Variants in MFSD2A observed in about 807,000 individuals in gnomAD.
MFSD2A encodes MFSD2 lysolipid transporter A, lysophospholipid.
Under a neutral mutation model 64.7 loss-of-function variants are expected in MFSD2A, and 27 were observed. The ratio of observed to expected loss-of-function variants is 0.42; its 90% CI spans 0.31 to 0.58. The LOEUF is 0.58. Ranked by LOEUF, MFSD2A falls within the 20% of genes least tolerant of loss-of-function variation. The pLI is 0.18. For missense variants in MFSD2A, 474 were observed against 679.5 expected, an observed-to-expected ratio of 0.70 and a Z score of 3.36; for synonymous variants, 258 against 273.4, an observed-to-expected ratio of 0.94 and a Z score of 0.55.
In MFSD2A at chr1:39,964,027, C is replaced by T. The variant is rs150495613; in HGVS notation, c.354-1184C>T. 2.6e-5 allele frequency among the ~76,000 whole-genome samples: 4 copies of T among 152,338 alleles called. No individual in the cohort carries two copies. Among genetic ancestry groups the T allele is most frequent in the East Asian group, 3.9e-4 (2 of 5,192 alleles). On this transcript the variant is annotated intron_variant, in intron 3 of 13. Coordinates refer to ENST00000372811, the MANE Select transcript of MFSD2A (RefSeq NM_032793.5). The surrounding 1 kb of genome is among the most constrained non-coding windows in gnomAD (Gnocchi z 4.1). Reference sequence around the variant, plus strand: ...CTGGGATTACAGGCATGAGCCACTGCGCCTAGCCTAAGTACATTCACTTTG... The same window carrying T: ...CTGGGATTACAGGCATGAGCCACTGTGCCTAGCCTAAGTACATTCACTTTG...
chr1:39,955,600 C>T lies in MFSD2A; in HGVS notation c.93+215C>T, dbSNP rs1479077357. ...CCCCCCTTTGCTCACCCGCACTCCA[C>T]GCTCTGCGGAGAGGCTCTGCCGGCA... is the stretch of plus-strand genomic sequence containing the variant. On this transcript the variant is annotated intron_variant, in intron 1 of 13. Transcript: ENST00000372811. This position sits in a 1 kb window ranked among gnomAD's most constrained non-coding sequence, Gnocchi z 5.9. The T allele has an allele frequency of 1.4e-6, 1 of 693,072 alleles. No individual in the cohort carries two copies. Among genetic ancestry groups the T allele is most frequent in the Non-Finnish European group, 2.6e-6 (1 of 381,116 alleles). 42.9% of individuals were successfully genotyped at this position (693,072 alleles called of 1,614,324 possible).
At chr1:39,966,718 A>G in intron 7 of MFSD2A, 27 bp downstream of exon 7, 1 of 1,613,308 alleles carries the variant, frequency 6.2e-7, no homozygotes, top group Non-Finnish European at 8.5e-7. Context: ...GAAGGGGTGC[A>G]GGCCTCAGCA....
Position 39,969,837 on chromosome 1 carries a change from G to T in MFSD2A, c.*269G>T. ...GGGCCTAGCCCGGAACACTAATGTA[G>T]AAACCTTTTTTTTTACAGAGCCTAA... On this transcript the variant is annotated 3_prime_UTR_variant, in exon 14 of 14. Coordinates refer to ENST00000372811, the MANE Select transcript of MFSD2A (RefSeq NM_032793.5). 2.6e-6 allele frequency: 1 copy of T among 386,768 alleles called. No homozygotes were observed. The highest frequency in any genetic ancestry group is 7.7e-5 in the Admixed American group (1 of 13,010). The allele number at this position is 386,768 out of a possible 1,614,324, so 24.0% of individuals were successfully genotyped here.
At position 39,958,869 on chromosome 1, in the gene MFSD2A, C is replaced by CCAGCATAT; in HGVS notation, c.353+46_353+53dup. The CCAGCATAT allele has an allele frequency of 6.5e-7, 1 of 1,537,914 alleles. No homozygotes were observed. The highest frequency in any genetic ancestry group is 8.8e-7 in the Non-Finnish European group (1 of 1,139,942). On this transcript the variant is annotated intron_variant, in intron 3 of 13. Coordinates refer to ENST00000372811, the MANE Select transcript of MFSD2A (RefSeq NM_032793.5). The surrounding 1 kb of genome is among the most constrained non-coding windows in gnomAD (Gnocchi z 4.7). ...TTCGAGGTGGCACAAGGCAGGACTT[C>CCAGCATAT]CAGCATATCTGCTCCTTGGTCCTTC...
intron 1 of MFSD2A, among the ~76,000 whole-genome samples, chr1:39,956,232 G>T (rs1211722074): frequency 2.0e-5 from 3 of 152,206 alleles, no homozygotes; most frequent in Admixed American, 2.0e-4. Flanking sequence ...GAGGGCGATG[G>T]GTCGGGAAGC....
intron 3 of MFSD2A, among the ~76,000 whole-genome samples, chr1:39,959,667 C>T (rs1249297394): frequency 6.9e-6 from 1 of 145,566 alleles, no homozygotes; most frequent in Non-Finnish European, 1.5e-5. Flanking sequence ...CTCACACTCA[C>T]AGAGTTGTGG....
chr1:39,955,211 A>G lies in MFSD2A; in HGVS notation c.-82A>G. ...GGCGGCCGTGGCTAAGGCTGCTACG[A>G]AGCGAGCTTGGGAGGAGCAGCGGCC... On this transcript the variant is annotated 5_prime_UTR_variant, in exon 1 of 14. Coordinates refer to ENST00000372811, the MANE Select transcript of MFSD2A (RefSeq NM_032793.5). This position sits in a 1 kb window ranked among gnomAD's most constrained non-coding sequence, Gnocchi z 5.9. 1.7e-6 allele frequency: 2 copies of G among 1,201,804 alleles called. No homozygotes were observed. The highest frequency in any genetic ancestry group is 5.3e-5 in the South Asian group (2 of 37,486). The allele number at this position is 1,201,804 out of a possible 1,614,324, so 74.4% of individuals were successfully genotyped here.
rs549573788 is a variant in MFSD2A at position 39,965,030 on chromosome 1, C to T, written c.354-181C>T. The T allele has an allele frequency of 3.8e-5, 29 of 755,694 alleles. No individual in the cohort carries two copies. Among genetic ancestry groups the T allele is most frequent in the Admixed American group, 1.2e-4 (4 of 34,086 alleles). 46.8% of individuals were successfully genotyped at this position (755,694 alleles called of 1,614,324 possible). ...GGGTCCCAGTTCCCATCTGCCATTC[C>T]GGGCTTGGTCATCAGCCTCTTCCCA... On this transcript the variant is annotated intron_variant, in intron 3 of 13. Coordinates refer to ENST00000372811, the MANE Select transcript of MFSD2A (RefSeq NM_032793.5). This position sits in a 1 kb window ranked among gnomAD's most constrained non-coding sequence, Gnocchi z 5.5.
intron 3 of MFSD2A, among the ~76,000 whole-genome samples, chr1:39,961,109 G>A (rs1448928131): frequency 6.6e-6 from 1 of 150,708 alleles, no homozygotes; most frequent in African/African-American, 2.4e-5. Flanking sequence ...ACATCACCAT[G>A]CCTGGCCAGA....
chr1:39,959,523 G>T (rs1344958972), intron 3 of MFSD2A, among the ~76,000 whole-genome samples: 1 of 152,086 alleles, frequency 6.6e-6, no homozygotes, highest in East Asian at 1.9e-4. Context: ...AAAGTGTTAG[G>T]ATTACAGGTG....
rs1184616397 is a variant in MFSD2A at position 39,964,125 on chromosome 1, CT to C, written c.354-1084del. On this transcript the variant is annotated intron_variant, in intron 3 of 13. Transcript: ENST00000372811. This position sits in a 1 kb window ranked among gnomAD's most constrained non-coding sequence, Gnocchi z 4.1. ...TTATGCAATATTTATCTTTTTGTGT[CT>C]TGCTGATTTTCCTTGGCTTAATGTC... 3.9e-5 allele frequency: 6 copies of C among 152,560 alleles called. No individual in the cohort carries two copies. Among genetic ancestry groups the C allele is most frequent in the African/African-American group, 1.4e-4 (6 of 41,436 alleles). The allele number at this position is 152,560 out of a possible 1,614,324, so 9.5% of individuals were successfully genotyped here.
In MFSD2A at chr1:39,966,831, T is replaced by C. The variant is rs757024894; in HGVS notation, c.826T>C (p.Ser276Pro). The change falls in exon 8 of 14, where the codon TCT (serine) becomes CCT (proline). Residue 276 changes from serine (S) to proline (P), a missense_variant. Physicochemically the swap from Ser to Pro is moderately conservative, Grantham distance 74. Coordinates refer to ENST00000372811, the MANE Select transcript of MFSD2A (RefSeq NM_032793.5). ...EQREPYEAQQSEPIAYFRGLR... is the reference protein window; with the variant it reads ...EQREPYEAQQPEPIAYFRGLR... ...CCCAGAACCCTATGAAGCCCAGCAG[T>C]CTGAGCCAATCGCCTACTTCCGGGG... 1 of 1,614,078 alleles carries C rather than the reference T, an allele frequency of 6.2e-7. No individual in the cohort carries two copies. Among genetic ancestry groups the C allele is most frequent in the Non-Finnish European group, 8.5e-7 (1 of 1,180,012 alleles).
Position 39,969,512 on chromosome 1 carries a change from G to A in MFSD2A, c.1537G>A (p.Ala513Thr). ...KKALQALRDE[A>T]SSSGCSETDS... ...CTCCTCTCTCTCTTGCAGGGACGAG[G>A]CCAGCAGCTCTGGCTGCTCAGAAAC... Residue 513 changes from alanine (A) to threonine (T), a missense_variant, in exon 14 of 14, where the codon GCC becomes ACC. Ala to Thr is a moderately conservative substitution (Grantham distance 58). Transcript: ENST00000372811. The A allele has an allele frequency of 2.5e-6, 4 of 1,598,462 alleles. No individual in the cohort carries two copies. Among genetic ancestry groups the A allele is most frequent in the Non-Finnish European group, 3.4e-6 (4 of 1,173,780 alleles).
chr1:39,967,389 G>A, intron 9 of MFSD2A: 1 of 627,010 alleles, frequency 1.6e-6, no homozygotes. Context: ...AAAAGCAAGG[G>A]CGAGGACACC....
intron 1 of MFSD2A, 90 bp from the exon 2 acceptor site, chr1:39,956,997 A>G: frequency 1.6e-6 from 2 of 1,279,282 alleles, no homozygotes; most frequent in Admixed American, 2.0e-5. Flanking sequence ...TTGTTCTGGT[A>G]GAGCTGGCCA....
intron 2 of MFSD2A, 116 bp downstream of exon 2, chr1:39,957,337 A>G: frequency 1.8e-6 from 2 of 1,092,640 alleles, no homozygotes; most frequent in South Asian, 3.4e-5. Flanking sequence ...CCAAATCACT[A>G]CTTTGCTGCC....
Position 39,968,535 on chromosome 1 carries a change from T to C in MFSD2A, c.1353-34T>C, listed in dbSNP as rs146327150. On this transcript the variant is annotated intron_variant, in intron 12 of 13. Transcript: ENST00000372811. This position sits in a 1 kb window ranked among gnomAD's most constrained non-coding sequence, Gnocchi z 4.4. ...GCAGGGCCAGGCCCCAGGTGCCCCA[T>C]CTTCACCGTTCTCCTACCCCCTGGG... is the stretch of plus-strand genomic sequence containing the variant. 53,369 of 1,613,652 alleles carry C rather than the reference T, an allele frequency of 0.033. 1,088 individuals are homozygous for C. Among genetic ancestry groups the C allele is most frequent in the Middle Eastern group, 0.083 (506 of 6,062 alleles).
intron 3 of MFSD2A, among the ~76,000 whole-genome samples, chr1:39,961,667 A>G (rs1483730955): frequency 6.7e-6 from 1 of 149,222 alleles, no homozygotes; most frequent in Non-Finnish European, 1.5e-5. Context: ...TTTCTGATTA[A>G]AAACAAAAAA....
intron 9 of MFSD2A, 150 bp downstream of exon 9, chr1:39,967,319 G>T: frequency 2.7e-6 from 2 of 733,478 alleles, no homozygotes; most frequent in Non-Finnish European, 4.5e-6. Flanking sequence ...GTTGGACCTT[G>T]CGAAGGTAGG....
Sources: gnomAD v4.1 joint callset for allele counts (sites outside exome capture counted in the v4.1 genomes callset) on GRCh38, gnomAD v4.1.1 for gene constraint, Gnocchi (gnomAD v3.1) non-coding constraint, MANE v1.5 for transcripts, NCBI Gene and HGNC (gene_info 2026-07-23, HGNC 2026-07-21) for gene names.